ACVR2B: variants seen among roughly 807,000 people sequenced by gnomAD.
The protein encoded by ACVR2B is activin receptor type-2B.
In ACVR2B, 18 loss-of-function variants were observed where a neutral mutation model predicts 65.1. The observed-to-expected ratio is 0.28, with a 90% confidence interval of 0.19 to 0.41. The LOEUF (loss-of-function observed/expected upper bound fraction) is 0.41. Ranked by LOEUF, ACVR2B falls within the 10% of genes least tolerant of loss-of-function variation. The probability of loss-of-function intolerance (pLI) is 1.00; values close to 1 mark genes in which losing one functional copy is unlikely to be tolerated. For synonymous variants in ACVR2B, 298 were observed against 277.7 expected (o/e 1.07, Z -0.73); for missense variants, 482 against 682.7 (o/e 0.71, Z 3.28).
intron 1 of ACVR2B, chr3:38,459,591 G>A (rs1244228206): frequency 1.0e-5 from 10 of 985,348 alleles, no homozygotes; most frequent in Non-Finnish European, 1.2e-5. Flanking sequence ...CTTCCCCTGA[G>A]TGGACCTGCC....
At chr3:38,470,825 A>G (rs572735708) in intron 1 of ACVR2B, among the ~76,000 whole-genome samples, 42 of 152,228 alleles carry the variant, frequency 2.8e-4, no homozygotes, top group Non-Finnish European at 5.6e-4. Context: ...CTAGCTTACA[A>G]CGGAATAGGA....
Position 38,477,621 on chromosome 3 carries a change from C to T in ACVR2B, c.260+127C>T. 1 of 1,213,610 alleles carries T rather than the reference C, an allele frequency of 8.2e-7. No homozygotes were observed. The highest frequency in any genetic ancestry group is 1.3e-5 in the South Asian group (1 of 77,814). 75.2% of individuals were successfully genotyped at this position (1,213,610 alleles called of 1,614,324 possible). On this transcript the variant is annotated intron_variant, in intron 2 of 10. Transcript: ENST00000352511. The surrounding 1 kb of genome is among the most constrained non-coding windows in gnomAD (Gnocchi z 6.7). ...CAAGAAGGGGCTCTTGAGATGGTAG[C>T]CATGGCCCCACGCCCTTCCACACCC...
rs1710081837 is a variant in ACVR2B, at chr3:38,484,553, C to T, written c.*1221C>T. 6.6e-6 allele frequency: 1 copy of T among 152,334 alleles called. No homozygotes were observed. The allele number at this position is 152,334 out of a possible 1,614,324, so 9.4% of individuals were successfully genotyped here. A position where few individuals can be genotyped will look rare whatever the true frequency, so the allele number is the denominator to read the frequency against. ...CAGACCCCTTAAAGTGGTACATATT[C>T]TAAAAAACTGTTTTTCTATTATGCC... On this transcript the variant is annotated 3_prime_UTR_variant, in exon 11 of 11. Coordinates refer to ENST00000352511, the MANE Select transcript of ACVR2B (RefSeq NM_001106.4).
Position 38,477,387 on chromosome 3 carries a change from C to T in ACVR2B, c.153C>T (p.Gly51=), listed in dbSNP as rs551896195. ...AGAGCGGCCTGGAGCGCTGCGAAGG[C>T]GAGCAGGACAAGCGGCTGCACTGCT... ...TNQSGLERCE[G]EQDKRLHCYA... The change falls in exon 2 of 11, where the codon GGC becomes GGT. Residue 51 remains glycine, a synonymous_variant. Transcript: ENST00000352511. This position sits in a 1 kb window ranked among gnomAD's most constrained non-coding sequence, Gnocchi z 6.7. 10 of 1,614,172 alleles carry T rather than the reference C, an allele frequency of 6.2e-6. No homozygotes were observed. Among genetic ancestry groups the T allele is most frequent in the East Asian group, 4.5e-5 (2 of 44,872 alleles).
chr3:38,468,244 A>C (rs886625320), intron 1 of ACVR2B, among the ~76,000 whole-genome samples: 4 of 152,184 alleles, frequency 2.6e-5, no homozygotes, highest in Non-Finnish European at 5.9e-5. Context: ...CTCTGAGGCC[A>C]TGGGTGGAGT....
chr3:38,492,802 ACATACACCT>A lies in ACVR2B; in HGVS notation c.*9471_*9479del, dbSNP rs2059823826. On this transcript the variant is annotated 3_prime_UTR_variant, in exon 11 of 11. Transcript: ENST00000352511. The stretch of plus-strand genomic sequence containing the variant: ...CACACACACACACACACACACACAC[ACATACACCT>A]AAAATGGCCTAAAGCAGACATCCAT... The A allele has an allele frequency of 5.3e-5, 4 of 75,698 alleles. No individual in the cohort carries two copies. The highest frequency in any genetic ancestry group is 1.1e-4 in the Non-Finnish European group (4 of 35,508). The allele number at this position is 75,698 out of a possible 1,614,324, so 4.7% of individuals were successfully genotyped here. A position where few individuals can be genotyped will look rare whatever the true frequency, so the allele number is the denominator to read the frequency against.
chr3:38,492,731 T>TACACACAC lies in ACVR2B; in HGVS notation c.*9465_*9472dup, dbSNP rs55986551. On this transcript the variant is annotated 3_prime_UTR_variant, in exon 11 of 11. Transcript: ENST00000352511. ...AGTGTGCTGATTTATATATATATATTACACACACACACACACACACACACA... is the reference window on the plus strand; with the variant it reads ...AGTGTGCTGATTTATATATATATATTACACACACACACACACACACACACACACACACA... The TACACACAC allele has an allele frequency of 5.9e-4, 74 of 124,844 alleles. 1 individual carries two copies. Among genetic ancestry groups the TACACACAC allele is most frequent in the Middle Eastern group, 3.9e-3 (1 of 258 alleles). 7.7% of individuals were successfully genotyped at this position (124,844 alleles called of 1,614,324 possible). A position where few individuals can be genotyped will look rare whatever the true frequency, so the allele number is the denominator to read the frequency against.
At chr3:38,464,759 T>C (rs988425875) in intron 1 of ACVR2B, among the ~76,000 whole-genome samples, 7 of 152,154 alleles carry the variant, frequency 4.6e-5, no homozygotes, top group African/African-American at 1.7e-4. Context: ...TAAAGTTAGA[T>C]TGAAATATTC....
At chr3:38,471,323 C>G (rs1709814006) in intron 1 of ACVR2B, among the ~76,000 whole-genome samples, 1 of 152,194 alleles carries the variant, frequency 6.6e-6, no homozygotes, top group African/African-American at 2.4e-5. Context: ...CACAAGTAAT[C>G]AGGGAAATGC....
At position 38,482,427 on chromosome 3, in the gene ACVR2B, T is replaced by A. The variant is rs763888963; in HGVS notation, c.1214-3T>A. On this transcript the variant is annotated splice_polypyrimidine_tract_variant and splice_region_variant and intron_variant, in intron 9 of 10. Coordinates refer to ENST00000352511, the MANE Select transcript of ACVR2B (RefSeq NM_001106.4). ...ATCCTGCCAGGCTCTCTCTTTCTCC[T>A]AGGACCCGTGGATGAGTACATGCTG... is the stretch of plus-strand genomic sequence containing the variant. The A allele has an allele frequency of 6.2e-6, 10 of 1,612,044 alleles. No individual in the cohort carries two copies. Among genetic ancestry groups the A allele is most frequent in the Non-Finnish European group, 8.5e-6 (10 of 1,179,686 alleles).
At chr3:38,461,055 A>G (rs891583416) in intron 1 of ACVR2B, among the ~76,000 whole-genome samples, 6 of 152,078 alleles carry the variant, frequency 3.9e-5, no homozygotes, top group African/African-American at 1.4e-4. Context: ...ACCAATTAAA[A>G]CAGGAGACTA....
rs2059815142 is a variant in ACVR2B, at chr3:38,492,099, TAAAG to T, written c.*8770_*8773del. The T allele has an allele frequency of 6.6e-6, 1 of 152,402 alleles. No homozygotes were observed. The highest frequency in any genetic ancestry group is 6.5e-5 in the Admixed American group (1 of 15,286). The allele number at this position is 152,402 out of a possible 1,614,324, so 9.4% of individuals were successfully genotyped here. ...GCTTTCTGCATGTAACACATACGGTTAAAGAACACAGCAAAGGACAAAATTTGCA... is the reference window on the plus strand; with the variant it reads ...GCTTTCTGCATGTAACACATACGGTTAACACAGCAAAGGACAAAATTTGCA... On this transcript the variant is annotated 3_prime_UTR_variant, in exon 11 of 11. Transcript: ENST00000352511.
At chr3:38,466,066 T>C (rs1709721628) in intron 1 of ACVR2B, among the ~76,000 whole-genome samples, 1 of 152,250 alleles carries the variant, frequency 6.6e-6, no homozygotes, top group East Asian at 1.9e-4. Flanking sequence ...GAAGCTGTTG[T>C]TCCAGAATGA....
chr3:38,474,742 A>G (rs758080748), intron 1 of ACVR2B: 1 of 152,246 alleles, frequency 6.6e-6, no homozygotes, highest in Non-Finnish European at 1.5e-5. Flanking sequence ...ACAGGCCATT[A>G]GTCAAGGGTG....
At chr3:38,459,926 C>T (rs148069273) in intron 1 of ACVR2B, among the ~76,000 whole-genome samples, 11 of 152,314 alleles carry the variant, frequency 7.2e-5, no homozygotes, top group African/African-American at 2.6e-4. Context: ...CCCTGGCCTG[C>T]TTCAAGCTTG....
At chr3:38,472,722 G>A (rs1304783258) in intron 1 of ACVR2B, among the ~76,000 whole-genome samples, 2 of 152,126 alleles carry the variant, frequency 1.3e-5, no homozygotes, top group African/African-American at 2.4e-5. Flanking sequence ...ACACCCAAGT[G>A]CAGAGCTCAG....
chr3:38,492,799 CA>C lies in ACVR2B; in HGVS notation c.*9468del, dbSNP rs1559662992. 2.6e-4 allele frequency: 17 copies of C among 66,458 alleles called. 1 individual carries two copies. The highest frequency in any genetic ancestry group is 6.6e-4 in the East Asian group (1 of 1,508). 4.1% of individuals were successfully genotyped at this position (66,458 alleles called of 1,614,324 possible). A position where few individuals can be genotyped will look rare whatever the true frequency, so the allele number is the denominator to read the frequency against. On this transcript the variant is annotated 3_prime_UTR_variant, in exon 11 of 11. Coordinates refer to ENST00000352511, the MANE Select transcript of ACVR2B (RefSeq NM_001106.4). ...ACACACACACACACACACACACACA[CA>C]CACATACACCTAAAATGGCCTAAAG... is the stretch of plus-strand genomic sequence containing the variant.
chr3:38,482,362 T>C (rs1223774960), intron 9 of ACVR2B, 26 bp downstream of exon 9: 1 of 1,609,912 alleles, frequency 6.2e-7, no homozygotes, highest in Admixed American at 1.7e-5. Flanking sequence ...GCCCTGGGCA[T>C]CCTAGATTGA....
chr3:38,478,360 C>T lies in ACVR2B; in HGVS notation c.523-15C>T. The T allele has an allele frequency of 6.2e-7, 1 of 1,614,030 alleles. No individual in the cohort carries two copies. The highest frequency in any genetic ancestry group is 1.1e-5 in the South Asian group (1 of 91,038). On this transcript the variant is annotated splice_polypyrimidine_tract_variant and intron_variant, in intron 4 of 10. Coordinates refer to ENST00000352511, the MANE Select transcript of ACVR2B (RefSeq NM_001106.4). ...GAGGACAGGCCAGACCTTTTTAAGC[C>T]TTGCTCTCCCCCAGGACCCTGGGCC...
Sources: allele counts gnomAD v4.1 joint callset (sites outside exome capture counted in the v4.1 genomes callset), GRCh38; gene constraint gnomAD v4.1.1; non-coding constraint Gnocchi (gnomAD v3.1); transcripts MANE v1.5; gene names NCBI Gene and HGNC (gene_info 2026-07-23, HGNC 2026-07-21).